Variants in SLAIN2 observed in about 807,000 individuals in gnomAD.
SLAIN2 encodes SLAIN family member 2, also known as SLAIN motif-containing protein 2.
SLAIN2 carries 31 observed loss-of-function variants against 56.6 expected under a neutral mutation model. The ratio of observed to expected loss-of-function variants is 0.55; its 90% CI spans 0.41 to 0.74. The LOEUF (loss-of-function observed/expected upper bound fraction) is 0.74. Ranked by LOEUF, SLAIN2 falls within the 30% of genes least tolerant of loss-of-function variation. The pLI is 0.00. For synonymous variants in SLAIN2, 317 were observed against 284.9 expected (o/e 1.11, Z -1.13); for missense variants, 777 against 754.2 (o/e 1.03, Z -0.35).
chr4:48,393,719 G>A (rs578226985), intron 6 of SLAIN2, among the ~76,000 whole-genome samples: 35 of 152,168 alleles, frequency 2.3e-4, no homozygotes, highest in African/African-American at 8.2e-4. Context: ...AAATATTTTA[G>A]AGCTGCTTAA....
At chr4:48,367,188 G>T (rs1715542916) in intron 1 of SLAIN2, among the ~76,000 whole-genome samples, 1 of 152,228 alleles carries the variant, frequency 6.6e-6, no homozygotes, top group Non-Finnish European at 1.5e-5. Flanking sequence ...GGCAGGTTTA[G>T]AAGTATGTAC....
chr4:48,403,162 C>A lies in SLAIN2; in HGVS notation c.1361-16963C>A, dbSNP rs182671438. 2.6e-5 allele frequency among the ~76,000 whole-genome samples: 4 copies of A among 152,336 alleles called. No homozygotes were observed. In the East Asian group the frequency reaches 5.8e-4, roughly 22 times the overall value. On this transcript the variant is annotated intron_variant, in intron 6 of 7. Transcript: ENST00000264313. ...TCCTTTATGAGGTATCTGGAGACCC[C>A]TGTTGGGAGGTCTCAGGCAGTCGGG...
intron 1 of SLAIN2, among the ~76,000 whole-genome samples, chr4:48,368,952 T>C (rs1338952849): frequency 6.6e-6 from 1 of 152,204 alleles, no homozygotes; most frequent in Non-Finnish European, 1.5e-5. Context: ...ATGTTTACAG[T>C]GAAACAACAC....
intron 6 of SLAIN2, among the ~76,000 whole-genome samples, chr4:48,391,466 A>G (rs1173118803): frequency 6.6e-6 from 1 of 152,202 alleles, no homozygotes; most frequent in African/African-American, 2.4e-5. Context: ...ACTATTTTTC[A>G]GGGAGGAGTG....
chr4:48,380,733 A>G (rs1715951037), intron 4 of SLAIN2, among the ~76,000 whole-genome samples: 1 of 152,176 alleles, frequency 6.6e-6, no homozygotes. Context: ...TACAATGAAA[A>G]GAATCCTTGA....
intron 1 of SLAIN2, among the ~76,000 whole-genome samples, chr4:48,347,320 AC>A (rs1385933888): frequency 2.3e-4 from 34 of 145,414 alleles, no homozygotes; most frequent in Admixed American, 7.6e-4. Flanking sequence ...CTTCAGTACC[AC>A]CCCCCCTCCC....
At position 48,420,329 on chromosome 4, in the gene SLAIN2, C is replaced by A; in HGVS notation, c.1565C>A (p.Thr522Asn). 3 of 1,614,018 alleles carry A rather than the reference C, an allele frequency of 1.9e-6. No individual in the cohort carries two copies. Among genetic ancestry groups the A allele is most frequent in the Non-Finnish European group, 2.5e-6 (3 of 1,179,878 alleles). The stretch of plus-strand genomic sequence containing the variant: ...CCTCCCAGCAATATCAACAGCGCTA[C>A]TCTAACCAGACCTGCAGGGACAACT... The part of the protein sequence containing the change: ...ANPPSNINSA[T>N]LTRPAGTTAM... Residue 522 changes from threonine (T) to asparagine (N), a missense_variant, in exon 7 of 8, where the codon ACT becomes AAT. Thr to Asn is a moderately conservative substitution (Grantham distance 65). Coordinates refer to ENST00000264313, the MANE Select transcript of SLAIN2 (RefSeq NM_020846.2).
In SLAIN2 at chr4:48,394,447, T is replaced by C. The variant is rs554655341; in HGVS notation, c.1360+10663T>C. The stretch of plus-strand genomic sequence containing the variant: ...TTCTTTTGCTTCTAGGATTCTAACA[T>C]ATTTGCACCTTATGGCTTCTGTTCT... On this transcript the variant is annotated intron_variant, in intron 6 of 7. Transcript: ENST00000264313. The C allele has an allele frequency of 6.0e-6, 4 of 671,088 alleles. No homozygotes were observed. The East Asian group carries it at 1.1e-4, about 18-fold the overall frequency. 41.6% of individuals were successfully genotyped at this position (671,088 alleles called of 1,614,324 possible). A position where few individuals can be genotyped will look rare whatever the true frequency, so the allele number is the denominator to read the frequency against.
chr4:48,419,038 T>A (rs1717075331), intron 6 of SLAIN2, among the ~76,000 whole-genome samples: 1 of 152,190 alleles, frequency 6.6e-6, no homozygotes, highest in African/African-American at 2.4e-5. Context: ...ACATTTGAGC[T>A]TTTTTCAGTC....
At chr4:48,383,405 G>A (rs763697324) in intron 5 of SLAIN2, among the ~76,000 whole-genome samples, 5 of 151,868 alleles carry the variant, frequency 3.3e-5, no homozygotes, top group Non-Finnish European at 5.9e-5. Flanking sequence ...GAAGTTACCT[G>A]TATTTAGATT....
chr4:48,368,381 A>G (rs1715581569), intron 1 of SLAIN2, among the ~76,000 whole-genome samples: 1 of 152,154 alleles, frequency 6.6e-6, no homozygotes, highest in Admixed American at 6.6e-5. Flanking sequence ...CTTTTTAAAA[A>G]GGAGTTTCAT....
chr4:48,419,380 A>T (rs774511614), intron 6 of SLAIN2, among the ~76,000 whole-genome samples: 1 of 152,150 alleles, frequency 6.6e-6, no homozygotes, highest in Non-Finnish European at 1.5e-5. Context: ...CTGGGATTAC[A>T]GGTGTGAGTT....
intron 5 of SLAIN2, 87 bp downstream of exon 5, chr4:48,383,014 C>A: frequency 7.2e-7 from 1 of 1,383,876 alleles, no homozygotes; most frequent in Non-Finnish European, 9.6e-7. Flanking sequence ...AAAAAATTTT[C>A]AAAATTAGCT....
chr4:48,354,793 A>G (rs1715113995), intron 1 of SLAIN2, among the ~76,000 whole-genome samples: 2 of 152,162 alleles, frequency 1.3e-5, no homozygotes, highest in Non-Finnish European at 2.9e-5. Flanking sequence ...GGAACAAATA[A>G]TGAAATGATT....
At chr4:48,406,744 C>T (rs1299203740) in intron 6 of SLAIN2, among the ~76,000 whole-genome samples, 9 of 151,940 alleles carry the variant, frequency 5.9e-5, no homozygotes, top group African/African-American at 1.7e-4. Flanking sequence ...GAACAGTATT[C>T]ATTCTTTCAA....
chr4:48,369,876 T>C lies in SLAIN2; in HGVS notation c.417T>C (p.Leu139=). ...SWLYSSPKKK[L]TPMQKSVSPL... ...TGTATTCATCACCAAAGAAAAAACT[T>C]ACACCAATGCAGAAATCGGTTAGTC... The change falls in exon 2 of 8, where the codon CTT becomes CTC. Residue 139 remains leucine (L), a synonymous_variant. Transcript: ENST00000264313. 1.2e-6 allele frequency: 2 copies of C among 1,613,584 alleles called. No individual in the cohort carries two copies. Among genetic ancestry groups the C allele is most frequent in the South Asian group, 2.2e-5 (2 of 91,018 alleles).
intron 1 of SLAIN2, among the ~76,000 whole-genome samples, chr4:48,347,635 A>G (rs1286859163): frequency 6.6e-6 from 1 of 152,316 alleles, no homozygotes; most frequent in East Asian, 1.9e-4. Flanking sequence ...AAAATTTACC[A>G]TGTTAATAAT....
intron 6 of SLAIN2, among the ~76,000 whole-genome samples, chr4:48,411,569 G>A (rs1577737963): frequency 6.6e-6 from 1 of 151,042 alleles, no homozygotes; most frequent in East Asian, 1.9e-4. Flanking sequence ...TATCTGGAAT[G>A]TCCCTGTTCT....
At chr4:48,414,271 C>T (rs954466958) in intron 6 of SLAIN2, among the ~76,000 whole-genome samples, 1 of 152,100 alleles carries the variant, frequency 6.6e-6, no homozygotes, top group African/African-American at 2.4e-5. Flanking sequence ...TTAATATTTA[C>T]ATTTGAGTTA....
Sources: allele counts gnomAD v4.1 joint callset (sites outside exome capture counted in the v4.1 genomes callset), GRCh38; gene constraint gnomAD v4.1.1; transcripts MANE v1.5; gene names NCBI Gene and HGNC (gene_info 2026-07-23, HGNC 2026-07-21).